GRID2: variants seen among roughly 807,000 people sequenced by gnomAD.
GRID2 encodes the protein glutamate ionotropic receptor delta type subunit 2.
In GRID2, 33 loss-of-function variants were observed where a neutral mutation model predicts 114.8. The ratio of observed to expected loss-of-function variants is 0.29; its 90% CI spans 0.22 to 0.38. The LOEUF (loss-of-function observed/expected upper bound fraction) is 0.38, where lower values mean the gene tolerates loss of function less well. Ranked by LOEUF, GRID2 falls within the 10% of genes least tolerant of loss-of-function variation. The pLI, the probability that GRID2 is intolerant of heterozygous loss-of-function variation, is 1.00. For synonymous variants in GRID2, 505 were observed against 449.9 expected (o/e 1.12, Z -1.55); for missense variants, 1,184 against 1,257.7 (o/e 0.94, Z 0.89).
chr4:93,280,844 G>C (rs1400351371), intron 8 of GRID2, among the ~76,000 whole-genome samples: 1 of 151,860 alleles, frequency 6.6e-6, no homozygotes, highest in Non-Finnish European at 1.5e-5. Flanking sequence ...TTATTGGTCT[G>C]AGGATAATAA....
intron 11 of GRID2, among the ~76,000 whole-genome samples, chr4:93,475,831 T>C (rs146836432): frequency 4.9e-4 from 74 of 152,268 alleles, no homozygotes; most frequent in African/African-American, 1.7e-3. Flanking sequence ...AGAATTTATA[T>C]AGTGGTTTTA....
chr4:92,895,305 T>C (rs527734911), intron 2 of GRID2, among the ~76,000 whole-genome samples: 1 of 149,246 alleles, frequency 6.7e-6, no homozygotes, highest in Non-Finnish European at 1.5e-5. Flanking sequence ...GTAGATCTAC[T>C]CCAGTACATG....
chr4:93,023,105 GTGTGTGTGTGTGTGTGTGTGTATGTA>G (rs1578778030), intron 2 of GRID2, among the ~76,000 whole-genome samples: 1 of 150,796 alleles, frequency 6.6e-6, no homozygotes, highest in Non-Finnish European at 1.5e-5. Flanking sequence ...GTGTGTGTGT[GTGTGTGTGTGTGTGTGTGTGTATGTA>G]TGTGTGTGTG....
At chr4:92,928,176 CTATTTTAT>C (rs1749970018) in intron 2 of GRID2, among the ~76,000 whole-genome samples, 1 of 151,662 alleles carries the variant, frequency 6.6e-6, no homozygotes, top group African/African-American at 2.4e-5. Context: ...AACCACCAGT[CTATTTTAT>C]TATCCTTATA....
At chr4:92,328,142 A>G (rs781555190) in intron 1 of GRID2, among the ~76,000 whole-genome samples, 1 of 152,056 alleles carries the variant, frequency 6.6e-6, no homozygotes, top group Non-Finnish European at 1.5e-5. Context: ...CACACATTCA[A>G]GAGGGAGAAT....
intron 1 of GRID2, among the ~76,000 whole-genome samples, chr4:92,452,626 CT>C (rs1336781245): frequency 1.3e-5 from 2 of 151,870 alleles, no homozygotes; most frequent in Admixed American, 1.3e-4. Context: ...GTGCCCGGCC[CT>C]CTTTAGGTTT....
intron 2 of GRID2, among the ~76,000 whole-genome samples, chr4:92,964,674 G>C (rs967925279): frequency 2.0e-5 from 3 of 151,952 alleles, no homozygotes; most frequent in African/African-American, 4.8e-5. Context: ...TTACATTATG[G>C]AGAAGACTTT....
chr4:92,635,911 T>G (rs1368086014), intron 2 of GRID2, among the ~76,000 whole-genome samples: 15 of 152,032 alleles, frequency 9.9e-5, no homozygotes, highest in Non-Finnish European at 1.5e-5. Context: ...GAGTACATCA[T>G]AGTAGAGTAA....
chr4:93,523,921 G>A (rs1039911943), intron 13 of GRID2, among the ~76,000 whole-genome samples: 1 of 151,982 alleles, frequency 6.6e-6, no homozygotes, highest in African/African-American at 2.4e-5. Context: ...TCTATACTTC[G>A]TCCTGACCTT....
chr4:93,478,564 A>G (rs551566189), intron 11 of GRID2, among the ~76,000 whole-genome samples: 71 of 151,378 alleles, frequency 4.7e-4, no homozygotes, highest in Admixed American at 9.2e-4. Context: ...AATAGATTAA[A>G]TATGATAAAA....
intron 12 of GRID2, among the ~76,000 whole-genome samples, chr4:93,507,946 A>G (rs2149482077): frequency 6.6e-6 from 1 of 152,186 alleles, no homozygotes; most frequent in East Asian, 1.9e-4. Context: ...ATATTTCTTT[A>G]AAAATGAACA....
At chr4:93,517,927 A>C (rs773972617) in intron 13 of GRID2, among the ~76,000 whole-genome samples, 1 of 102,760 alleles carries the variant, frequency 9.7e-6, no homozygotes, top group Non-Finnish European at 2.3e-5. Flanking sequence ...TGTATATACT[A>C]TATATGTATG....
intron 2 of GRID2, among the ~76,000 whole-genome samples, chr4:92,977,477 A>T (rs1753948118): frequency 6.6e-6 from 1 of 152,214 alleles, no homozygotes; most frequent in Non-Finnish European, 1.5e-5. Context: ...ATGGAGAAGC[A>T]GGCATGAGCC....
intron 2 of GRID2, among the ~76,000 whole-genome samples, chr4:92,998,195 C>G (rs1454686364): frequency 6.6e-6 from 1 of 151,916 alleles, no homozygotes; most frequent in Non-Finnish European, 1.5e-5. Flanking sequence ...CTTAATTTCT[C>G]ATAATCAATT....
chr4:92,543,351 T>G (rs1726074272), intron 1 of GRID2, among the ~76,000 whole-genome samples: 1 of 152,158 alleles, frequency 6.6e-6, no homozygotes, highest in Admixed American at 6.6e-5. Context: ...TTATTTTCAC[T>G]ATAGCACATA....
At chr4:92,661,785 T>C (rs1041703077) in intron 2 of GRID2, among the ~76,000 whole-genome samples, 2 of 151,062 alleles carry the variant, frequency 1.3e-5, no homozygotes, top group African/African-American at 4.8e-5. Flanking sequence ...ACACAATAAA[T>C]TGTGTCAATT....
chr4:93,106,918 T>C (rs2149346873), intron 3 of GRID2, among the ~76,000 whole-genome samples: 1 of 152,248 alleles, frequency 6.6e-6, no homozygotes, highest in Non-Finnish European at 1.5e-5. Flanking sequence ...GGAATTACAA[T>C]ATGTTAGACC....
chr4:92,980,910 C>T (rs1042947733), intron 2 of GRID2, among the ~76,000 whole-genome samples: 3 of 152,042 alleles, frequency 2.0e-5, no homozygotes, highest in Non-Finnish European at 2.9e-5. Flanking sequence ...ACAAACAAAA[C>T]ACTGTTCCCA....
chr4:92,975,644 GC>G (rs1477790392), intron 2 of GRID2, among the ~76,000 whole-genome samples: 6 of 151,956 alleles, frequency 3.9e-5, no homozygotes, highest in Non-Finnish European at 8.8e-5. Flanking sequence ...CAAATTAAGT[GC>G]TTTTTACAAT....
Sources: allele counts gnomAD v4.1 joint callset (sites outside exome capture counted in the v4.1 genomes callset), GRCh38; gene constraint gnomAD v4.1.1; transcripts MANE v1.5; gene names NCBI Gene and HGNC (gene_info 2026-07-23, HGNC 2026-07-21).